The following NDUFS1 variants were observed in gnomAD, a reference collection of about 807,000 sequenced individuals.
The protein encoded by NDUFS1 is NADH:ubiquinone oxidoreductase core subunit S1.
NDUFS1 carries 61 observed loss-of-function variants against 84.4 expected under a neutral mutation model. The observed-to-expected ratio is 0.72, with a 90% CI of 0.59 to 0.89. The LOEUF (loss-of-function observed/expected upper bound fraction) is 0.89. NDUFS1 is among the 40% of genes least tolerant of loss of function. NDUFS1 has a pLI of 0.00. For missense variants in NDUFS1, 891 were observed against 890.0 expected (o/e 1.00, Z -0.01); for synonymous variants, 275 against 290.0 (o/e 0.95, Z 0.53).
At chr2:206,154,567 C>T (rs1687558711) in intron 1 of NDUFS1, among the ~76,000 whole-genome samples, 1 of 152,210 alleles carries the variant, frequency 6.6e-6, no homozygotes, top group Non-Finnish European at 1.5e-5. Context: ...ATTATATAAA[C>T]ACCACGACTT....
chr2:206,145,914 T>C (rs956900639), intron 8 of NDUFS1, among the ~76,000 whole-genome samples: 2 of 152,200 alleles, frequency 1.3e-5, no homozygotes, highest in East Asian at 3.8e-4. Context: ...CCTAAGTTTG[T>C]AGTGGTAATT....
chr2:206,150,503 A>T (rs1692331836), intron 3 of NDUFS1, among the ~76,000 whole-genome samples: 1 of 152,116 alleles, frequency 6.6e-6, no homozygotes, highest in East Asian at 1.9e-4. Context: ...TTTCCTCTAG[A>T]GTTAGTTCCT....
intron 12 of NDUFS1, among the ~76,000 whole-genome samples, chr2:206,138,841 C>T (rs529497989): frequency 3.9e-5 from 6 of 152,314 alleles, no homozygotes; most frequent in South Asian, 4.1e-4. Context: ...CCAGACCAGG[C>T]GCAGTGGCTC....
chr2:206,159,359 G>A lies in NDUFS1; in HGVS notation c.-23C>T. The A allele has an allele frequency of 5.0e-6, 3 of 596,306 alleles. No individual in the cohort carries two copies. The highest frequency in any genetic ancestry group is 2.0e-5 in the South Asian group (1 of 49,568). 36.9% of individuals were successfully genotyped at this position (596,306 alleles called of 1,614,324 possible). On this transcript the variant is annotated 5_prime_UTR_variant, in exon 1 of 19. Transcript: ENST00000233190. Reference sequence around the variant, plus strand: ...ACCTCACCTTCTCCCCGGAGCCGCGGAGGCTGTTCTGCTAAACTGTCTGGA... The same window carrying A: ...ACCTCACCTTCTCCCCGGAGCCGCGAAGGCTGTTCTGCTAAACTGTCTGGA...
At chr2:206,128,022 T>A in intron 15 of NDUFS1, 50 bp from the exon 16 acceptor site, 2 of 1,574,866 alleles carry the variant, frequency 1.3e-6, no homozygotes, top group Admixed American at 3.4e-5. Context: ...AAAACTGATT[T>A]TCTACTGTAC....
In NDUFS1 at chr2:206,130,187, T is replaced by C. The variant is rs1046033525; in HGVS notation, c.1609A>G (p.Ile537Val). ...AGCACCTTGGGAGGGTTCTTCCGAA[T>C]TGCTTCCACCCCAGGCTTATAGCCA... ...DLGYKPGVEA[I>V]RKNPPKVLFL... The change falls in exon 15 of 19, where the codon ATT (isoleucine) becomes GTT (valine). Residue 537 changes from isoleucine (I) to valine (V), a missense_variant. Ile to Val is a conservative substitution (Grantham distance 29). Coordinates refer to ENST00000233190, the MANE Select transcript of NDUFS1 (RefSeq NM_005006.7). 2 of 1,614,182 alleles carry C rather than the reference T, an allele frequency of 1.2e-6. No individual in the cohort carries two copies. The highest frequency in any genetic ancestry group is 2.2e-5 in the East Asian group (1 of 44,874).
intron 4 of NDUFS1, 29 bp from the exon 5 acceptor site, chr2:206,149,125 G>A (rs1692273378): frequency 6.6e-7 from 1 of 1,510,108 alleles, no homozygotes; most frequent in Non-Finnish European, 9.2e-7. Flanking sequence ...AAAAAAATGT[G>A]TATTTGTATT....
At chr2:206,135,501 T>C (rs533741684) in intron 13 of NDUFS1, among the ~76,000 whole-genome samples, 121 of 151,762 alleles carry the variant, frequency 8.0e-4, no homozygotes, top group South Asian at 1.5e-3. Context: ...GGTGAAACCC[T>C]GTCTCTACTA....
intron 13 of NDUFS1, among the ~76,000 whole-genome samples, chr2:206,136,295 G>A (rs1231911863): frequency 2.0e-5 from 3 of 149,176 alleles, no homozygotes; most frequent in Admixed American, 6.7e-5. Flanking sequence ...CTTGTGATCC[G>A]CCCGCCTCAG....
intron 12 of NDUFS1, 114 bp downstream of exon 12, chr2:206,141,827 T>A (rs1358918456): frequency 7.7e-6 from 7 of 909,470 alleles, no homozygotes; most frequent in Non-Finnish European, 1.0e-5. Flanking sequence ...TGTCTTCCAG[T>A]TATCTTTTGG....
chr2:206,129,855 G>T (rs1419873490), intron 15 of NDUFS1, among the ~76,000 whole-genome samples: 2 of 152,034 alleles, frequency 1.3e-5, no homozygotes, highest in African/African-American at 2.4e-5. Flanking sequence ...GCCTCCCAAA[G>T]TGCTGGGATT....
Position 206,126,858 on chromosome 2 carries a change from G to C in NDUFS1, c.1885-14C>G. 2 of 1,613,740 alleles carry C rather than the reference G, an allele frequency of 1.2e-6. No individual in the cohort carries two copies. The highest frequency in any genetic ancestry group is 1.7e-6 in the Non-Finnish European group (2 of 1,179,948). On this transcript the variant is annotated splice_polypyrimidine_tract_variant and intron_variant, in intron 16 of 18. Transcript: ENST00000233190. ...CATTCCAGCAATCTACAACATGTCA[G>C]GTCCCCAAAAACAACAAAAAGCTTT...
intron 7 of NDUFS1, among the ~76,000 whole-genome samples, 170 bp from the exon 8 acceptor site, chr2:206,147,258 G>C (rs980551823): frequency 2.6e-5 from 4 of 152,134 alleles, no homozygotes; most frequent in African/African-American, 9.7e-5. Flanking sequence ...ATTTAATTGA[G>C]GTGTAACACA....
At chr2:206,143,206 C>T (rs4147715) in intron 10 of NDUFS1, among the ~76,000 whole-genome samples, 3,309 of 152,250 alleles carry the variant, frequency 0.022, 65 homozygotes, top group South Asian at 0.037. Context: ...GACCCGAGAT[C>T]GAGATCGCGC....
In NDUFS1 at chr2:206,138,550, C is replaced by A; in HGVS notation, c.1327G>T (p.Asp443Tyr). The A allele has an allele frequency of 6.2e-7, 1 of 1,613,888 alleles. No homozygotes were observed. The highest frequency in any genetic ancestry group is 1.1e-5 in the South Asian group (1 of 91,070). ...GSPVDLTYTY[D>Y]HLGDSPKILQ... ...ATTTTGGGGGAGTCTCCCAGGTGGT[C>A]ATATGTGTAAGTGAGGTCCACTGGA... Residue 443 changes from aspartate to tyrosine, a missense_variant, in exon 13 of 19, where the codon GAC becomes TAC. By Grantham distance (160) the Asp-to-Tyr change is radical. Coordinates refer to ENST00000233190, the MANE Select transcript of NDUFS1 (RefSeq NM_005006.7).
chr2:206,125,548 T>C (rs1344338594), intron 18 of NDUFS1, among the ~76,000 whole-genome samples: 8 of 150,510 alleles, frequency 5.3e-5, no homozygotes, highest in Admixed American at 5.3e-4. Context: ...TAATATAATA[T>C]ATATGTGTAT....
At chr2:206,155,173 C>T (rs145360970) in intron 1 of NDUFS1, among the ~76,000 whole-genome samples, 11 of 152,198 alleles carry the variant, frequency 7.2e-5, no homozygotes, top group Non-Finnish European at 1.2e-4. Context: ...GGCTGGAGTG[C>T]TGTGGCGCGA....
chr2:206,158,096 T>TG (rs34102478), intron 1 of NDUFS1, among the ~76,000 whole-genome samples: 67,247 of 151,298 alleles, frequency 0.44, 17,044 homozygotes, highest in African/African-American at 0.71. Context: ...CCCAAGTAGC[T>TG]GGACTACAGG....
chr2:206,154,806 G>C (rs1294765048), intron 1 of NDUFS1, among the ~76,000 whole-genome samples: 1 of 151,656 alleles, frequency 6.6e-6, no homozygotes, highest in Non-Finnish European at 1.5e-5. Flanking sequence ...TGTATCTTTA[G>C]TAGAGACAGG....
Sources: gnomAD v4.1 joint callset for allele counts (sites outside exome capture counted in the v4.1 genomes callset) on GRCh38, gnomAD v4.1.1 for gene constraint, MANE v1.5 for transcripts, NCBI Gene and HGNC (gene_info 2026-07-23, HGNC 2026-07-21) for gene names.